The following PRKAR2B variants were observed in gnomAD, a reference collection of about 807,000 sequenced individuals.
PRKAR2B encodes cAMP-dependent protein kinase type II-beta regulatory subunit.
A neutral mutation model predicts 49.9 loss-of-function variants in PRKAR2B; 14 were observed. The ratio of observed to expected loss-of-function variants is 0.28; its 90% CI spans 0.19 to 0.44. The LOEUF (loss-of-function observed/expected upper bound fraction) is 0.44, where lower values mean the gene tolerates loss of function less well. Among genes scored for constraint, PRKAR2B ranks in the 20% least tolerant of loss-of-function variants. PRKAR2B has a pLI of 1.00. For synonymous variants in PRKAR2B, 196 were observed against 197.7 expected (o/e 0.99, Z 0.07); for missense variants, 393 against 537.9 (o/e 0.73, Z 2.67).
intron 2 of PRKAR2B, among the ~76,000 whole-genome samples, chr7:107,114,372 G>T (rs999665182): frequency 1.0e-3 from 124 of 123,870 alleles, no homozygotes; most frequent in African/African-American, 3.5e-3. Context: ...GTGTGTGTGT[G>T]TGTGTTTGAG....
chr7:107,050,787 A>G (rs1793785636), intron 1 of PRKAR2B, among the ~76,000 whole-genome samples: 3 of 152,144 alleles, frequency 2.0e-5, no homozygotes, highest in Admixed American at 6.5e-5. Context: ...CTTGGAAGGT[A>G]GGATAGTTCT....
chr7:107,129,151 T>C (rs1443592479), intron 4 of PRKAR2B: 1 of 152,198 alleles, frequency 6.6e-6, no homozygotes, highest in Non-Finnish European at 1.5e-5. Context: ...AAAGGACGTT[T>C]TTATAAAGAT....
At position 107,159,490 on chromosome 7, in the gene PRKAR2B, A is replaced by C. The variant is rs774406745; in HGVS notation, c.1165A>C (p.Met389Leu). Residue 389 changes from methionine (M) to leucine (L), a missense_variant, in exon 11 of 11, where the codon ATG (methionine) becomes CTG (leucine). This residue lies in a region of PRKAR2B where 233 missense variants were observed against 390.4 expected (regional missense o/e 0.60). Transcript: ENST00000265717. ...ATTTGAAAGGCTTCTGGGACCTTGC[A>C]TGGAAATTATGAAAAGGAACATCGC... is the stretch of plus-strand genomic sequence containing the variant. ...QAFERLLGPC[M>L]EIMKRNIATY... 6.2e-7 allele frequency: 1 copy of C among 1,614,146 alleles called. No homozygotes were observed. Among genetic ancestry groups the C allele is most frequent in the Non-Finnish European group, 8.5e-7 (1 of 1,179,998 alleles).
intron 3 of PRKAR2B, among the ~76,000 whole-genome samples, chr7:107,126,445 T>TAAAAAAAAAAAAAAA (rs1795496124): frequency 8.5e-6 from 1 of 117,264 alleles, no homozygotes; most frequent in African/African-American, 3.5e-5. Flanking sequence ...AAAAAAAAAG[T>TAAAAAAAAAAAAAAA]CGTCATTGGT....
At chr7:107,078,288 C>T (rs1445598788) in intron 2 of PRKAR2B, 1 of 151,690 alleles carries the variant, frequency 6.6e-6, no homozygotes, top group Non-Finnish European at 1.5e-5. Flanking sequence ...AGAAGGATGA[C>T]ACCCAGGGTG....
intron 2 of PRKAR2B, among the ~76,000 whole-genome samples, chr7:107,098,022 C>T (rs1382187360): frequency 2.0e-5 from 3 of 152,130 alleles, no homozygotes; most frequent in African/African-American, 7.2e-5. Flanking sequence ...ATCTTTGTGG[C>T]ATTCTCTGTA....
intron 4 of PRKAR2B, among the ~76,000 whole-genome samples, chr7:107,136,403 A>G (rs1795702424): frequency 6.6e-6 from 1 of 152,222 alleles, no homozygotes; most frequent in Admixed American, 6.5e-5. Context: ...CTGGGAGGAA[A>G]TATTTGCAAA....
rs149949837 is a variant in PRKAR2B, at chr7:107,140,359, C to G, written c.481-488C>G. On this transcript the variant is annotated intron_variant, in intron 4 of 10. Transcript: ENST00000265717. ...TACTTTGTTGTTTTTCTTTTTTGTT[C>G]TGTTTTGATTTTGGTGCTAAACCAA... is the stretch of plus-strand genomic sequence containing the variant. Among the ~76,000 whole-genome samples, 406 of 152,072 alleles carry G rather than the reference C, an allele frequency of 2.7e-3. 1 individual carries two copies. The highest frequency in any genetic ancestry group is 0.014 in the Middle Eastern group (4 of 294).
chr7:107,114,796 T>C (rs1795241447), intron 2 of PRKAR2B, among the ~76,000 whole-genome samples: 2 of 152,164 alleles, frequency 1.3e-5, no homozygotes, highest in Non-Finnish European at 2.9e-5. Context: ...CTGAACTTGA[T>C]GTTTACTTGT....
At chr7:107,100,774 C>G (rs191930076) in intron 2 of PRKAR2B, among the ~76,000 whole-genome samples, 2 of 150,910 alleles carry the variant, frequency 1.3e-5, no homozygotes, top group Non-Finnish European at 2.9e-5. Flanking sequence ...TTGAGCCCAC[C>G]TAATGAGTTT....
intron 3 of PRKAR2B, among the ~76,000 whole-genome samples, chr7:107,125,910 A>G (rs1366339428): frequency 6.6e-6 from 1 of 151,916 alleles, no homozygotes; most frequent in East Asian, 1.9e-4. Context: ...AAGATGGTGA[A>G]ACCCTGTCTC....
intron 5 of PRKAR2B, among the ~76,000 whole-genome samples, chr7:107,141,937 A>G (rs1178729664): frequency 3.3e-5 from 5 of 152,242 alleles, no homozygotes; most frequent in Admixed American, 1.3e-4. Flanking sequence ...GCTTTACCTC[A>G]TCATAGAACA....
chr7:107,075,700 C>T (rs1427517197), intron 2 of PRKAR2B, among the ~76,000 whole-genome samples: 1 of 151,990 alleles, frequency 6.6e-6, no homozygotes, highest in Non-Finnish European at 1.5e-5. Context: ...TTTAAGGAAG[C>T]CCCCAGCAGA....
Position 107,055,558 on chromosome 7 carries a change from G to A in PRKAR2B, c.307+10344G>A, listed in dbSNP as rs569487997. Among the ~76,000 whole-genome samples the A allele has an allele frequency of 2.3e-3, 349 of 152,248 alleles. 1 individual carries two copies. Among genetic ancestry groups the A allele is most frequent in the South Asian group, 7.7e-3 (37 of 4,818 alleles). On this transcript the variant is annotated intron_variant, in intron 1 of 10. Transcript: ENST00000265717. ...TGGTTTTGATTTGCATTTCTCTGAT[G>A]GCCAGTGATGATGAGCATTTTTTCA... is the stretch of plus-strand genomic sequence containing the variant.
At chr7:107,106,043 T>A (rs939390749) in intron 2 of PRKAR2B, among the ~76,000 whole-genome samples, 2 of 152,116 alleles carry the variant, frequency 1.3e-5, no homozygotes, top group Non-Finnish European at 2.9e-5. Flanking sequence ...GCAGATTGAG[T>A]GATAAAATGC....
intron 1 of PRKAR2B, among the ~76,000 whole-genome samples, chr7:107,046,188 A>C (rs1210178942): frequency 6.6e-6 from 1 of 152,194 alleles, no homozygotes; most frequent in African/African-American, 2.4e-5. Context: ...TGTATTACAC[A>C]ACATGCCCAA....
intron 3 of PRKAR2B, among the ~76,000 whole-genome samples, chr7:107,123,785 C>T (rs1795431566): frequency 6.6e-6 from 1 of 152,152 alleles, no homozygotes; most frequent in Admixed American, 6.5e-5. Flanking sequence ...AAGATCTGTC[C>T]CCTGTAACAC....
At chr7:107,072,460 G>A (rs1056911173) in intron 2 of PRKAR2B, among the ~76,000 whole-genome samples, 2 of 152,018 alleles carry the variant, frequency 1.3e-5, no homozygotes, top group Non-Finnish European at 2.9e-5. Flanking sequence ...TTCAGGCAAG[G>A]CAAATAAAAT....
chr7:107,050,505 C>T (rs933850624), intron 1 of PRKAR2B, among the ~76,000 whole-genome samples: 1 of 151,992 alleles, frequency 6.6e-6, no homozygotes, highest in African/African-American at 2.4e-5. Flanking sequence ...TGTTGAAAAA[C>T]AATTGTGTTT....
Sources: allele counts gnomAD v4.1 joint callset (sites outside exome capture counted in the v4.1 genomes callset), GRCh38; gene constraint gnomAD v4.1.1; regional missense constraint gnomAD v4.1.1; transcripts MANE v1.5; gene names NCBI Gene and HGNC (gene_info 2026-07-23, HGNC 2026-07-21).